The following ROBO2 variants were observed in gnomAD, a reference collection of about 807,000 sequenced individuals.
The protein encoded by ROBO2 is roundabout homolog 2.
In ROBO2, 53 loss-of-function variants were observed where a neutral mutation model predicts 160.8. That is an observed-to-expected ratio of 0.33 (90% CI 0.26 to 0.41). ROBO2 has a LOEUF of 0.41. Among genes scored for constraint, ROBO2 ranks in the 10% least tolerant of loss-of-function variants. The pLI is 1.00. For synonymous variants in ROBO2, 664 were observed against 611.7 expected (o/e 1.09, Z -1.26); for missense variants, 1,577 against 1,722.4 (o/e 0.92, Z 1.49).
chr3:77,108,641 C>A (rs2073176717), intron 2 of ROBO2, among the ~76,000 whole-genome samples: 1 of 151,996 alleles, frequency 6.6e-6, no homozygotes, highest in African/African-American at 2.4e-5. Context: ...AGGGTAGGGG[C>A]CTTCAGACAG....
intron 2 of ROBO2, among the ~76,000 whole-genome samples, chr3:77,286,199 A>G (rs1226965303): frequency 2.0e-5 from 3 of 150,802 alleles, no homozygotes; most frequent in African/African-American, 7.3e-5. Context: ...GTTAATAAAT[A>G]TTGAGTTTAA....
intron 2 of ROBO2, among the ~76,000 whole-genome samples, chr3:76,911,145 T>A (rs954993043): frequency 6.6e-6 from 1 of 152,190 alleles, no homozygotes; most frequent in African/African-American, 2.4e-5. Flanking sequence ...TTGGTGGTAA[T>A]TTCATTTTCA....
At chr3:77,098,205 C>T (rs937179827) in exon 2 of ROBO2, 1 of 1,614,202 alleles carries the variant, frequency 6.2e-7, no homozygotes, top group African/African-American at 1.3e-5. Flanking sequence ...CAGGATGCTT[C>T]TGCCCAGCGG....
chr3:77,635,542 G>A (rs962476585), intron 24 of ROBO2, among the ~76,000 whole-genome samples: 1 of 152,168 alleles, frequency 6.6e-6, no homozygotes, highest in Non-Finnish European at 1.5e-5. Flanking sequence ...AAAAAATAGA[G>A]TCATGCATTG....
chr3:76,965,452 T>C (rs2079995473), intron 2 of ROBO2, among the ~76,000 whole-genome samples: 1 of 152,188 alleles, frequency 6.6e-6, no homozygotes, highest in African/African-American at 2.4e-5. Context: ...TATTCCCCAA[T>C]TGTTGCATAC....
chr3:77,342,974 C>T (rs556596290), intron 2 of ROBO2, among the ~76,000 whole-genome samples: 4 of 152,040 alleles, frequency 2.6e-5, no homozygotes, highest in African/African-American at 9.7e-5. Context: ...CAGGCACGGT[C>T]AGGTTCTGGT....
chr3:76,112,227 A>G (rs2070265372), intron 2 of ROBO2, among the ~76,000 whole-genome samples: 1 of 152,096 alleles, frequency 6.6e-6, no homozygotes, highest in South Asian at 2.1e-4. Context: ...TGGGCTGGAG[A>G]AAAATGTTTT....
chr3:76,327,018 T>C (rs2073089263), intron 2 of ROBO2, among the ~76,000 whole-genome samples: 1 of 152,124 alleles, frequency 6.6e-6, no homozygotes, highest in Non-Finnish European at 1.5e-5. Flanking sequence ...TTATGTCCAA[T>C]GTTATGAATA....
At chr3:77,508,773 T>C (rs1432957028) in intron 5 of ROBO2, among the ~76,000 whole-genome samples, 1 of 152,124 alleles carries the variant, frequency 6.6e-6, no homozygotes, top group Non-Finnish European at 1.5e-5. Flanking sequence ...TTTTATCATA[T>C]GCTTTTTAAC....
chr3:76,282,447 G>T (rs1221872611), intron 2 of ROBO2, among the ~76,000 whole-genome samples: 4 of 151,954 alleles, frequency 2.6e-5, no homozygotes, highest in Non-Finnish European at 4.4e-5. Context: ...AATGAAATTT[G>T]AAATCCAATA....
At chr3:76,276,505 C>G (rs925763547) in intron 2 of ROBO2, among the ~76,000 whole-genome samples, 7 of 151,902 alleles carry the variant, frequency 4.6e-5, no homozygotes, top group African/African-American at 1.7e-4. Flanking sequence ...TTTTCTTTTG[C>G]ACAAATTATA....
chr3:76,284,858 A>G (rs967661566), intron 2 of ROBO2, among the ~76,000 whole-genome samples: 1 of 152,138 alleles, frequency 6.6e-6, no homozygotes, highest in Admixed American at 6.6e-5. Context: ...TGGTAGAACT[A>G]AATTTTTGTG....
chr3:76,091,889 T>TA (rs892925916), intron 2 of ROBO2, among the ~76,000 whole-genome samples: 14 of 152,040 alleles, frequency 9.2e-5, no homozygotes, highest in Non-Finnish European at 1.2e-4. Context: ...ATAGAGATAG[T>TA]AAAAAAAGAT....
At chr3:77,094,712 T>C (rs537319034) in intron 1 of ROBO2, among the ~76,000 whole-genome samples, 1 of 152,314 alleles carries the variant, frequency 6.6e-6, no homozygotes, top group African/African-American at 2.4e-5. Context: ...TACATTGCTT[T>C]GATTATATAT....
chr3:77,200,313 A>ATT (rs2082768743), intron 2 of ROBO2, among the ~76,000 whole-genome samples: 1 of 84,906 alleles, frequency 1.2e-5, no homozygotes, highest in East Asian at 4.5e-4. Flanking sequence ...ATATATATAT[A>ATT]TATATATATT....
chr3:77,457,186 T>C (rs1286500474), intron 2 of ROBO2, among the ~76,000 whole-genome samples: 3 of 152,276 alleles, frequency 2.0e-5, no homozygotes, highest in South Asian at 2.1e-4. Flanking sequence ...GGACTGCTTT[T>C]CTTTTACTAA....
At chr3:77,524,731 C>G (rs896412599) in intron 6 of ROBO2, among the ~76,000 whole-genome samples, 8 of 151,032 alleles carry the variant, frequency 5.3e-5, no homozygotes, top group Non-Finnish European at 1.2e-4. Flanking sequence ...GCTCCTCATG[C>G]GGGGATGTTT....
chr3:76,208,645 C>T lies in ROBO2; in HGVS notation c.109+271043C>T, dbSNP rs146501866. Among the ~76,000 whole-genome samples, 43 of 152,210 alleles carry T rather than the reference C, an allele frequency of 2.8e-4. No homozygotes were observed. In the East Asian group the frequency reaches 6.4e-3, roughly 23 times the overall value. On this transcript the variant is annotated intron_variant, in intron 2 of 26. Transcript: ENST00000487694. ...GCCACGTTGACTTCTGATTACAGTT[C>T]TAGAAATCTCTCTGAGATTTCCTGT... is the stretch of plus-strand genomic sequence containing the variant.
At chr3:76,686,007 G>C (rs1177033854) in intron 2 of ROBO2, among the ~76,000 whole-genome samples, 2 of 152,034 alleles carry the variant, frequency 1.3e-5, no homozygotes, top group Non-Finnish European at 2.9e-5. Context: ...CTAGAGCGAC[G>C]GTGAATCACC....
Sources: gnomAD v4.1 joint callset for allele counts (sites outside exome capture counted in the v4.1 genomes callset) on GRCh38, gnomAD v4.1.1 for gene constraint, MANE v1.5 for transcripts, NCBI Gene and HGNC (gene_info 2026-07-23, HGNC 2026-07-21) for gene names.